Variants in AFG2A observed in about 807,000 individuals in gnomAD.
AFG2A encodes ATPase family gene 2 protein homolog A.
At chr4:123,084,214 G>T in the AFG2A span, among the ~76,000 whole-genome samples, 1 of 151,350 alleles carries the variant, frequency 6.6e-6, no homozygotes, top group Non-Finnish European at 1.5e-5. Flanking sequence ...AGATAGCCTG[G>T]CTACAGGCTT....
At chr4:123,174,396 C>T in the AFG2A span, among the ~76,000 whole-genome samples, 1 of 152,180 alleles carries the variant, frequency 6.6e-6, no homozygotes, top group Non-Finnish European at 1.5e-5. Flanking sequence ...TACCAATTCT[C>T]CCCAAATCCA....
chr4:123,023,955 G>C, the AFG2A span, among the ~76,000 whole-genome samples: 13 of 152,094 alleles, frequency 8.5e-5, no homozygotes, highest in East Asian at 2.5e-3. Flanking sequence ...GCCCCCCACC[G>C]AGAGCGCATG....
At chr4:123,252,408 A>G in the AFG2A span, among the ~76,000 whole-genome samples, 14 of 152,352 alleles carry the variant, frequency 9.2e-5, no homozygotes, top group African/African-American at 3.1e-4. Context: ...CACCAAATTC[A>G]TGGCTAAATC....
the AFG2A span, chr4:122,936,106 T>C: frequency 1.2e-6 from 2 of 1,602,736 alleles, no homozygotes; most frequent in Non-Finnish European, 1.7e-6. Flanking sequence ...ACAGATTCTA[T>C]GGTGAGACTG....
chr4:123,216,273 T>C, the AFG2A span, among the ~76,000 whole-genome samples: 1 of 152,308 alleles, frequency 6.6e-6, no homozygotes, highest in South Asian at 2.1e-4. Flanking sequence ...TAAAAGTGAA[T>C]GTGGAACATA....
At chr4:122,939,702 A>G in the AFG2A span, among the ~76,000 whole-genome samples, 1 of 151,892 alleles carries the variant, frequency 6.6e-6, no homozygotes, top group East Asian at 1.9e-4. Flanking sequence ...ACATATGTAT[A>G]CATGTGCCAT....
At chr4:123,027,096 A>G in the AFG2A span, among the ~76,000 whole-genome samples, 1 of 151,964 alleles carries the variant, frequency 6.6e-6, no homozygotes, top group African/African-American at 2.4e-5. Context: ...CAGTATCTGC[A>G]TGTGTTTACT....
the AFG2A span, among the ~76,000 whole-genome samples, chr4:123,043,330 A>C: frequency 1.3e-5 from 2 of 152,134 alleles, no homozygotes; most frequent in Non-Finnish European, 1.5e-5. Flanking sequence ...ATGCATCTTG[A>C]TGTAGTTTCC....
the AFG2A span, among the ~76,000 whole-genome samples, chr4:122,999,563 G>GGAATC: frequency 1.3e-5 from 2 of 152,064 alleles, no homozygotes; most frequent in African/African-American, 4.8e-5. Flanking sequence ...TATTAAATAG[G>GGAATC]GAATCCTTTC....
chr4:122,972,712 C>T, the AFG2A span, among the ~76,000 whole-genome samples: 3 of 151,880 alleles, frequency 2.0e-5, no homozygotes, highest in East Asian at 5.8e-4. Flanking sequence ...AACTGATTTT[C>T]AAATATTTGT....
the AFG2A span, among the ~76,000 whole-genome samples, chr4:123,095,734 C>T: frequency 6.6e-6 from 1 of 151,784 alleles, no homozygotes; most frequent in African/African-American, 2.4e-5. Flanking sequence ...ATTGTAGGGT[C>T]AAAGAAATTG....
chr4:123,237,672 CAAAAAAAAAA>C, the AFG2A span, among the ~76,000 whole-genome samples: 1 of 66,652 alleles, frequency 1.5e-5, no homozygotes, highest in Non-Finnish European at 2.8e-5. Context: ...AACCTTGTCT[CAAAAAAAAAA>C]AAAAAAAAAA....
At chr4:123,152,555 G>A in the AFG2A span, among the ~76,000 whole-genome samples, 2 of 152,096 alleles carry the variant, frequency 1.3e-5, no homozygotes, top group African/African-American at 4.8e-5. Context: ...AAATTAAAAC[G>A]AGACATCACT....
At chr4:123,284,039 C>A in the AFG2A span, among the ~76,000 whole-genome samples, 2 of 152,028 alleles carry the variant, frequency 1.3e-5, no homozygotes, top group Non-Finnish European at 2.9e-5. Context: ...CAATTATGAT[C>A]ACTTACAGTA....
At chr4:122,984,521 C>T in the AFG2A span, among the ~76,000 whole-genome samples, 1 of 152,140 alleles carries the variant, frequency 6.6e-6, no homozygotes. Flanking sequence ...GCATCCTTGT[C>T]TTGTTCCAGT....
At chr4:122,976,344 C>T in the AFG2A span, among the ~76,000 whole-genome samples, 1 of 152,214 alleles carries the variant, frequency 6.6e-6, no homozygotes, top group Non-Finnish European at 1.5e-5. Context: ...AGGACATTCA[C>T]TCTTGTCAAT....
the AFG2A span, among the ~76,000 whole-genome samples, chr4:123,059,228 A>G: frequency 0.012 from 1,784 of 150,236 alleles, 42 homozygotes; most frequent in African/African-American, 0.04. Context: ...ATGTATACAT[A>G]TGCCATACTG....
At chr4:123,072,454 G>A in the AFG2A span, among the ~76,000 whole-genome samples, 3 of 152,240 alleles carry the variant, frequency 2.0e-5, no homozygotes, top group African/African-American at 7.2e-5. Context: ...CTTTAGTAAT[G>A]CTGTAAACAA....
the AFG2A span, among the ~76,000 whole-genome samples, chr4:123,227,823 C>T: frequency 0.014 from 2,153 of 152,124 alleles, 49 homozygotes; most frequent in African/African-American, 0.049. Context: ...TTAAAGTCTC[C>T]CATTATTATT....
Sources: gnomAD v4.1 joint callset for allele counts (sites outside exome capture counted in the v4.1 genomes callset) on GRCh38, gnomAD v4.1.1 for gene constraint, MANE v1.5 for transcripts, NCBI Gene and HGNC (gene_info 2026-07-23, HGNC 2026-07-21) for gene names.